Variants in RASSF3 observed in about 807,000 individuals in gnomAD.
The protein encoded by RASSF3 is ras association domain-containing protein 3.
A neutral mutation model predicts 19.9 loss-of-function variants in RASSF3; 19 were observed. That is an observed-to-expected ratio of 0.96 (90% CI 0.67 to 1.40). RASSF3 has a LOEUF of 1.40. Among genes scored for constraint, RASSF3 ranks in the 40% most tolerant of loss-of-function variants. The probability of loss-of-function intolerance (pLI) is 0.00; values close to 1 mark genes in which losing one functional copy is unlikely to be tolerated. For synonymous variants in RASSF3, 110 were observed against 104.2 expected (o/e 1.06, Z -0.34); for missense variants, 306 against 289.8 (o/e 1.06, Z -0.41).
chr12:64,679,335 G>A (rs766921128), intron 1 of RASSF3, among the ~76,000 whole-genome samples: 17 of 152,282 alleles, frequency 1.1e-4, no homozygotes, highest in African/African-American at 2.9e-4. Flanking sequence ...TTGGGATTAC[G>A]GGCGTGAGCC....
chr12:64,610,656 G>T lies in RASSF3; in HGVS notation c.24G>T (p.Leu8=). The T allele has an allele frequency of 6.3e-7, 1 of 1,588,134 alleles. No individual in the cohort carries two copies. MSSGYSS[L]EEDAEDFFFT... Reference sequence around the variant, plus strand: ...GCATGAGCAGCGGCTACAGCAGCCTGGAGGAGGACGCCGAGGACTTCTTCT... The same window carrying T: ...GCATGAGCAGCGGCTACAGCAGCCTTGAGGAGGACGCCGAGGACTTCTTCT... The change falls in exon 1 of 5, where the codon CTG becomes CTT. Residue 8 remains leucine (L), a synonymous_variant. Transcript: ENST00000542104.
At position 64,537,959 on chromosome 12, in the gene RASSF3, T is replaced by G. The variant is rs1868862572; in HGVS notation, c.68-3622T>G. Among the ~76,000 whole-genome samples the G allele has an allele frequency of 2.6e-5, 4 of 152,112 alleles. No individual in the cohort carries two copies. In the South Asian group the frequency reaches 8.3e-4, roughly 32 times the overall value. ...ATCCTCACATGGCCTCCTCTTCGTC[T>G]TGGCCTGTGTGTCGTCTATGTCCTA... On this transcript the variant is annotated intron_variant, in intron 1 of 1. Coordinates refer to the RASSF3 transcript ENST00000636333.
chr12:64,645,416 G>A lies in RASSF3; in HGVS notation c.111+34673G>A, dbSNP rs181181289. On this transcript the variant is annotated intron_variant, in intron 1 of 4. Transcript: ENST00000542104. ...TGGCAGCTCATATTTTCACTTTGGC[G>A]AGGCATGACACTTTGGGAGGCTGAG... Among the ~76,000 whole-genome samples the A allele has an allele frequency of 3.9e-4, 59 of 152,074 alleles. 1 individual carries two copies. Among genetic ancestry groups the A allele is most frequent in the South Asian group, 1.7e-3 (8 of 4,814 alleles).
chr12:64,514,333 C>T (rs943529856), intron 1 of RASSF3, among the ~76,000 whole-genome samples: 21 of 151,404 alleles, frequency 1.4e-4, no homozygotes, highest in African/African-American at 4.1e-4. Context: ...ACTACAGGCA[C>T]GTGCCACTAC....
chr12:64,533,198 C>A (rs1287809339), upstream of RASSF3: 2 of 152,290 alleles, frequency 1.3e-5, no homozygotes, highest in Non-Finnish European at 2.9e-5. Flanking sequence ...TCAGCCAGGC[C>A]TGGCCGGCTC....
At chr12:64,545,162 AT>A (rs1869032910), downstream of RASSF3, among the ~76,000 whole-genome samples, 1 of 152,172 alleles carries the variant, frequency 6.6e-6, no homozygotes, top group Non-Finnish European at 1.5e-5. Flanking sequence ...AAAAGCTTGG[AT>A]TGGGGATGCA....
intron 1 of RASSF3, among the ~76,000 whole-genome samples, chr12:64,678,538 A>C (rs1000411750): frequency 6.6e-6 from 1 of 150,434 alleles, no homozygotes; most frequent in Admixed American, 6.7e-5. Context: ...CACTGTGCAT[A>C]TATTGTCCCC....
chr12:64,640,279 C>T (rs1057316825), intron 1 of RASSF3, among the ~76,000 whole-genome samples: 1 of 152,164 alleles, frequency 6.6e-6, no homozygotes, highest in African/African-American at 2.4e-5. Flanking sequence ...TCTGTTGCCT[C>T]CAAATTTTCC....
At chr12:64,543,007 C>G (rs1199570273), downstream of RASSF3, among the ~76,000 whole-genome samples, 1 of 143,114 alleles carries the variant, frequency 7.0e-6, no homozygotes. Context: ...GGCGGGGCCC[C>G]GCACTTGGAG....
At chr12:64,604,016 T>G (rs191682660) in intron 2 of RASSF3, among the ~76,000 whole-genome samples, 1 of 151,992 alleles carries the variant, frequency 6.6e-6, no homozygotes, top group Non-Finnish European at 1.5e-5. Context: ...CCCAGCTCAT[T>G]TTTGTATTTT....
At chr12:64,591,906 G>GTTT (rs527640122) in intron 2 of RASSF3, among the ~76,000 whole-genome samples, 3 of 142,942 alleles carry the variant, frequency 2.1e-5, no homozygotes, top group African/African-American at 7.6e-5. Flanking sequence ...TTCGGTTGCT[G>GTTT]TTTTTTTTTT....
intron 1 of RASSF3, among the ~76,000 whole-genome samples, chr12:64,638,472 C>T (rs764991573): frequency 1.0e-3 from 152 of 151,584 alleles, no homozygotes; most frequent in Admixed American, 3.1e-3. Flanking sequence ...CCCAGCTACT[C>T]GGGAGGCTGA....
At chr12:64,541,821 C>A, downstream of RASSF3, 1 of 395,512 alleles carries the variant, frequency 2.5e-6, no homozygotes. Flanking sequence ...GAGGATCGAG[C>A]TCAGGTTCAT....
Position 64,592,321 on chromosome 12 carries a change from G to C in RASSF3, c.294+50616G>C, listed in dbSNP as rs190066466. 8.2e-3 allele frequency among the ~76,000 whole-genome samples: 1,253 copies of C among 152,276 alleles called. 10 individuals carry two copies. Among genetic ancestry groups the C allele is most frequent in the South Asian group, 0.024 (114 of 4,830 alleles). On this transcript the variant is annotated intron_variant, in intron 2 of 5. Transcript: ENST00000637125. ...TATTCCATATCAGTGTACTGAGAGAGTCCTGATTTCTTTTTAATAGCTACA... is the reference window on the plus strand; with the variant it reads ...TATTCCATATCAGTGTACTGAGAGACTCCTGATTTCTTTTTAATAGCTACA...
At chr12:64,692,351 A>T (rs2136225672) in intron 4 of RASSF3, among the ~76,000 whole-genome samples, 1 of 152,328 alleles carries the variant, frequency 6.6e-6, no homozygotes, top group South Asian at 2.1e-4. Flanking sequence ...GATTAGTAGC[A>T]TGACCTTGGA....
chr12:64,672,797 A>G (rs917720104), intron 1 of RASSF3, among the ~76,000 whole-genome samples: 1 of 152,192 alleles, frequency 6.6e-6, no homozygotes, highest in African/African-American at 2.4e-5. Flanking sequence ...GATTACAGGT[A>G]TGAACCACTA....
chr12:64,641,567 CAGG>C (rs1236126543), intron 1 of RASSF3, among the ~76,000 whole-genome samples: 1 of 150,444 alleles, frequency 6.6e-6, no homozygotes, highest in Non-Finnish European at 1.5e-5. Context: ...AGGCCAAGGC[CAGG>C]AGGATTACTT....
chr12:64,570,872 C>T (rs564137317), intron 2 of RASSF3, among the ~76,000 whole-genome samples: 36 of 152,298 alleles, frequency 2.4e-4, no homozygotes, highest in Admixed American at 2.2e-3. Flanking sequence ...ACTGGAGACA[C>T]TTCTTAACCT....
intron 2 of RASSF3, among the ~76,000 whole-genome samples, chr12:64,548,265 G>A (rs1481610179): frequency 6.6e-6 from 1 of 152,128 alleles, no homozygotes; most frequent in Non-Finnish European, 1.5e-5. Context: ...CTGCAGTCTT[G>A]ATCTCCTGGG....
Sources: gnomAD v4.1 joint callset for allele counts (sites outside exome capture counted in the v4.1 genomes callset) on GRCh38, gnomAD v4.1.1 for gene constraint, MANE v1.5 for transcripts, NCBI Gene and HGNC (gene_info 2026-07-23, HGNC 2026-07-21) for gene names.